Variants in TCF12 observed in about 807,000 individuals in gnomAD.
TCF12 encodes transcription factor 12, also known as DNA-binding protein HTF4.
TCF12 carries 45 observed loss-of-function variants against 86.0 expected under a neutral mutation model. That is an observed-to-expected ratio of 0.52 (90% CI 0.41 to 0.67). TCF12 has a LOEUF of 0.67. Ranked by LOEUF, TCF12 falls within the 30% of genes least tolerant of loss-of-function variation. The pLI, the probability that TCF12 is intolerant of heterozygous loss-of-function variation, is 0.00. For synonymous variants in TCF12, 330 were observed against 299.6 expected (o/e 1.10, Z -1.05); for missense variants, 881 against 859.9 (o/e 1.02, Z -0.31).
At chr15:57,148,972 A>G (rs1369173253) in intron 5 of TCF12, among the ~76,000 whole-genome samples, 2 of 152,184 alleles carry the variant, frequency 1.3e-5, no homozygotes, top group African/African-American at 4.8e-5. Flanking sequence ...GTAGTCTTAA[A>G]TCTATGTTTA....
At chr15:57,105,920 T>C (rs1204191750) in intron 5 of TCF12, among the ~76,000 whole-genome samples, 1 of 152,182 alleles carries the variant, frequency 6.6e-6, no homozygotes, top group African/African-American at 2.4e-5. Context: ...ATTTAAAAAG[T>C]GGTTGATTAC....
intron 5 of TCF12, among the ~76,000 whole-genome samples, chr15:57,134,924 C>CCTCCT (rs1335265263): frequency 6.7e-6 from 1 of 149,576 alleles, no homozygotes; most frequent in Non-Finnish European, 1.5e-5. Context: ...CCCCCACATT[C>CCTCCT]CTCCTCCTTT....
chr15:56,982,611 A>AT (rs2062948995), intron 3 of TCF12, among the ~76,000 whole-genome samples: 1 of 152,314 alleles, frequency 6.6e-6, no homozygotes, highest in African/African-American at 2.4e-5. Context: ...ATATTGTTAC[A>AT]TTTTTTAAAA....
intron 13 of TCF12, 93 bp downstream of exon 13, chr15:57,243,643 T>G: frequency 3.6e-6 from 4 of 1,121,630 alleles, no homozygotes; most frequent in Non-Finnish European, 5.2e-6. Flanking sequence ...TAAAAATTTG[T>G]GAAAAATCAT....
chr15:57,130,456 T>G (rs2052021204), intron 5 of TCF12, among the ~76,000 whole-genome samples: 1 of 152,174 alleles, frequency 6.6e-6, no homozygotes, highest in African/African-American at 2.4e-5. Context: ...AAATAGAATC[T>G]TTTTAGACAA....
chr15:57,278,531 C>A (rs1283757942), intron 19 of TCF12: 1 of 106,048 alleles, frequency 9.4e-6, no homozygotes, highest in Non-Finnish European at 1.8e-5. Flanking sequence ...AGGGAGCAAT[C>A]ACTGTAAAAA....
intron 10 of TCF12, 111 bp from the exon 11 acceptor site, chr15:57,232,601 T>A (rs1162531251): frequency 1.9e-5 from 28 of 1,440,370 alleles, no homozygotes; most frequent in Non-Finnish European, 2.5e-5. Context: ...TAAGTAGTGC[T>A]CTTTAGCTGT....
chr15:57,018,571 T>G (rs2141230583), intron 3 of TCF12, among the ~76,000 whole-genome samples: 1 of 152,192 alleles, frequency 6.6e-6, no homozygotes, highest in Middle Eastern at 3.4e-3. Flanking sequence ...CAAGCCAGCC[T>G]CTCACCTCAG....
intron 19 of TCF12, among the ~76,000 whole-genome samples, chr15:57,279,201 C>T (rs2061567467): frequency 7.5e-6 from 1 of 133,240 alleles, no homozygotes; most frequent in African/African-American, 3.4e-5. Flanking sequence ...ACTTTGTTGC[C>T]CAGGCTACTG....
intron 18 of TCF12, among the ~76,000 whole-genome samples, chr15:57,268,001 C>A (rs573266757): frequency 1.5e-4 from 23 of 152,278 alleles, no homozygotes; most frequent in African/African-American, 5.5e-4. Context: ...TCTACTGTTA[C>A]AGTGGTAGTG....
intron 5 of TCF12, among the ~76,000 whole-genome samples, chr15:57,114,440 A>G (rs2050706750): frequency 6.6e-6 from 1 of 152,022 alleles, no homozygotes. Flanking sequence ...ACAGGTGCAC[A>G]CCACCACACC....
At chr15:57,245,916 G>T (rs1439782409) in intron 13 of TCF12, among the ~76,000 whole-genome samples, 1 of 151,774 alleles carries the variant, frequency 6.6e-6, no homozygotes, top group Non-Finnish European at 1.5e-5. Flanking sequence ...CCTGTGTCTT[G>T]GTTCTTATCT....
intron 3 of TCF12, among the ~76,000 whole-genome samples, chr15:56,938,715 C>G (rs996218391): frequency 6.7e-6 from 1 of 150,236 alleles, no homozygotes; most frequent in African/African-American, 2.5e-5. Context: ...TTGATTAGGG[C>G]CCCCCTTCAT....
At chr15:57,207,293 A>G (rs932145263) in intron 8 of TCF12, among the ~76,000 whole-genome samples, 2 of 152,170 alleles carry the variant, frequency 1.3e-5, no homozygotes, top group East Asian at 3.9e-4. Flanking sequence ...CATTTTTTCA[A>G]TGTTAATCCC....
At chr15:57,177,315 G>A (rs1403328038) in intron 6 of TCF12, among the ~76,000 whole-genome samples, 2 of 147,880 alleles carry the variant, frequency 1.4e-5, no homozygotes, top group South Asian at 2.2e-4. Flanking sequence ...TGTCACCCAG[G>A]CTGGAGTACA....
intron 6 of TCF12, among the ~76,000 whole-genome samples, chr15:57,184,061 G>A (rs1430782913): frequency 6.6e-6 from 1 of 151,770 alleles, no homozygotes; most frequent in Non-Finnish European, 1.5e-5. Context: ...GAAAGTTTAT[G>A]TTTACCTTAT....
At chr15:56,979,476 T>C (rs2062780888) in intron 3 of TCF12, among the ~76,000 whole-genome samples, 2 of 152,176 alleles carry the variant, frequency 1.3e-5, no homozygotes, top group Admixed American at 1.3e-4. Flanking sequence ...GCAATGATAG[T>C]AGAAATAGAT....
intron 4 of TCF12, chr15:57,072,719 G>T: frequency 1.5e-6 from 2 of 1,302,440 alleles, no homozygotes; most frequent in Non-Finnish European, 2.0e-6. Flanking sequence ...ATTAAAGTAA[G>T]TGTTTTCTAT....
chr15:57,122,403 TAC>T (rs2151296554), intron 5 of TCF12, among the ~76,000 whole-genome samples: 1 of 152,320 alleles, frequency 6.6e-6, no homozygotes, highest in Non-Finnish European at 1.5e-5. Flanking sequence ...TACTAGTAAC[TAC>T]AGTTTGTTCA....
Sources: allele counts gnomAD v4.1 joint callset (sites outside exome capture counted in the v4.1 genomes callset), GRCh38; gene constraint gnomAD v4.1.1; transcripts MANE v1.5; gene names NCBI Gene and HGNC (gene_info 2026-07-23, HGNC 2026-07-21).